The following GFOD2 variants were observed in gnomAD, a reference collection of about 807,000 sequenced individuals.
GFOD2 encodes Gfo/Idh/MocA-like oxidoreductase domain containing 2.
GFOD2 carries 9 observed loss-of-function variants against 24.6 expected under a neutral mutation model. That is an observed-to-expected ratio of 0.37 (90% CI 0.22 to 0.64). The LOEUF (loss-of-function observed/expected upper bound fraction) is 0.64, where lower values mean the gene tolerates loss of function less well. Ranked by LOEUF, GFOD2 falls within the 30% of genes least tolerant of loss-of-function variation. The pLI, the probability that GFOD2 is intolerant of heterozygous loss-of-function variation, is 0.65. For synonymous variants in GFOD2, 211 were observed against 224.8 expected (o/e 0.94, Z 0.55); for missense variants, 476 against 532.5 (o/e 0.89, Z 1.04).
intron 1 of GFOD2, among the ~76,000 whole-genome samples, chr16:67,709,290 A>AT (rs2053457774): frequency 6.6e-6 from 1 of 152,066 alleles, no homozygotes; most frequent in Admixed American, 6.6e-5. Context: ...CCTGGGCAAC[A>AT]GAGCCTATCT....
chr16:67,675,264 G>C lies in GFOD2; in HGVS notation c.1049C>G (p.Ala350Gly). The change falls in exon 3 of 3, where the codon GCC becomes GGC. Residue 350 changes from alanine to glycine, a missense_variant. Physicochemically the swap from Ala to Gly is moderately conservative, Grantham distance 60 (BLOSUM62 0). Coordinates refer to ENST00000268797, the MANE Select transcript of GFOD2 (RefSeq NM_030819.4). Reference sequence around the variant, plus strand: ...CCCGGATCGGCTCGACCTCTTGATGGCATCCACCACGCTCTGCATGTACAG... The same window carrying C: ...CCCGGATCGGCTCGACCTCTTGATGCCATCCACCACGCTCTGCATGTACAG... ...DGLYMQSVVD[A>G]IKRSSRSGEW... 1.2e-6 allele frequency: 2 copies of C among 1,612,960 alleles called. 1 individual carries two copies. Among genetic ancestry groups the C allele is most frequent in the South Asian group, 2.2e-5 (2 of 91,086 alleles).
intron 1 of GFOD2, among the ~76,000 whole-genome samples, chr16:67,689,408 T>C (rs147955833): frequency 2.4e-4 from 36 of 150,016 alleles, no homozygotes; most frequent in African/African-American, 8.8e-4. Context: ...TGGTGGCTCA[T>C]GCCTGTAATC....
At position 67,700,969 on chromosome 16, in the gene GFOD2, G is replaced by A. The variant is rs541714726; in HGVS notation, c.-87-15167C>T. On this transcript the variant is annotated intron_variant, in intron 1 of 2. Transcript: ENST00000268797. ...GGAGAATCGCTTGAACCCAGGAGGC[G>A]GAGGTTGTAGTGAGCCGAGATTGTG... Among the ~76,000 whole-genome samples, 166 of 148,002 alleles carry A rather than the reference G, an allele frequency of 1.1e-3. 1 individual carries two copies. The highest frequency in any genetic ancestry group is 2.0e-3 in the Non-Finnish European group (133 of 66,904).
chr16:67,687,949 G>C (rs187561784), intron 1 of GFOD2, among the ~76,000 whole-genome samples: 1 of 152,272 alleles, frequency 6.6e-6, no homozygotes, highest in African/African-American at 2.4e-5. Context: ...CTGCACTCTA[G>C]CCTGGGCAAT....
At chr16:67,713,551 ACTCC>A (rs2053490014) in intron 1 of GFOD2, among the ~76,000 whole-genome samples, 1 of 152,060 alleles carries the variant, frequency 6.6e-6, no homozygotes, top group Non-Finnish European at 1.5e-5. Flanking sequence ...AGATCCTATG[ACTCC>A]CTCCTTCAGA....
At chr16:67,698,759 G>A (rs944258049) in intron 1 of GFOD2, among the ~76,000 whole-genome samples, 2 of 152,194 alleles carry the variant, frequency 1.3e-5, no homozygotes, top group African/African-American at 2.4e-5. Flanking sequence ...GATTACAGGC[G>A]TGAGCCACTG....
chr16:67,699,100 T>C (rs952865854), intron 1 of GFOD2, among the ~76,000 whole-genome samples: 1 of 152,132 alleles, frequency 6.6e-6, no homozygotes, highest in African/African-American at 2.4e-5. Context: ...CCCAGCACTT[T>C]GGGAGGCCAA....
At chr16:67,701,689 C>T (rs1021236671) in intron 1 of GFOD2, among the ~76,000 whole-genome samples, 2 of 150,900 alleles carry the variant, frequency 1.3e-5, no homozygotes, top group Non-Finnish European at 2.9e-5. Context: ...AATTACATGA[C>T]AGCATTTGTC....
chr16:67,708,783 A>G (rs1368330226), intron 1 of GFOD2, among the ~76,000 whole-genome samples: 3 of 152,172 alleles, frequency 2.0e-5, no homozygotes, highest in Non-Finnish European at 4.4e-5. Context: ...AGGCACCTCC[A>G]CAGACTTGAT....
At position 67,681,561 on chromosome 16, in the gene GFOD2, A is replaced by G. The variant is rs1345318778; in HGVS notation, c.259+3896T>C. On this transcript the variant is annotated intron_variant, in intron 2 of 2. Transcript: ENST00000268797. Reference sequence around the variant, plus strand: ...GTAGCTGGGACCACAGGTGCACGCCACTGTGCCCAGCTAATTTTTTGTATT... The same window carrying G: ...GTAGCTGGGACCACAGGTGCACGCCGCTGTGCCCAGCTAATTTTTTGTATT... 2.0e-5 allele frequency: 10 copies of G among 490,772 alleles called. No homozygotes were observed. The Admixed American group carries it at 3.8e-4, about 19-fold the overall frequency. The allele number at this position is 490,772 out of a possible 1,614,324, so 30.4% of individuals were successfully genotyped here.
chr16:67,690,777 C>G (rs549291265), intron 1 of GFOD2, among the ~76,000 whole-genome samples: 1 of 152,306 alleles, frequency 6.6e-6, no homozygotes. Flanking sequence ...TCTAACACAA[C>G]TATTTTAACT....
At chr16:67,710,699 T>C (rs1449482669) in intron 1 of GFOD2, among the ~76,000 whole-genome samples, 1 of 152,218 alleles carries the variant, frequency 6.6e-6, no homozygotes, top group African/African-American at 2.4e-5. Context: ...ATGACAGATT[T>C]ATAATGCACT....
At chr16:67,686,322 C>A (rs776666776) in intron 1 of GFOD2, among the ~76,000 whole-genome samples, 1 of 152,012 alleles carries the variant, frequency 6.6e-6, no homozygotes, top group Non-Finnish European at 1.5e-5. Flanking sequence ...TGAAACACTG[C>A]AGAATCTTCT....
intron 2 of GFOD2, chr16:67,683,541 A>G (rs921661297): frequency 2.5e-5 from 31 of 1,231,682 alleles, no homozygotes; most frequent in South Asian, 4.1e-5. Context: ...TTGGTGACCA[A>G]TGAATGAATA....
intron 2 of GFOD2, chr16:67,681,818 A>G: frequency 1.0e-6 from 1 of 985,320 alleles, no homozygotes; most frequent in Non-Finnish European, 1.2e-6. Flanking sequence ...GTCTTTGGGT[A>G]GCCATGAAAG....
At chr16:67,681,911 G>C (rs1008550321) in intron 2 of GFOD2, 3 of 985,114 alleles carry the variant, frequency 3.0e-6, no homozygotes, top group Non-Finnish European at 2.4e-6. Flanking sequence ...TGGGCACAGT[G>C]GCTCCCACCT....
Position 67,681,748 on chromosome 16 carries a change from C to T in GFOD2, c.259+3709G>A, listed in dbSNP as rs772670736. 18 of 985,216 alleles carry T rather than the reference C, an allele frequency of 1.8e-5. No homozygotes were observed. In the Admixed American group the frequency reaches 1.8e-4, roughly 10 times the overall value. 61.0% of individuals were successfully genotyped at this position (985,216 alleles called of 1,614,324 possible). A position where few individuals can be genotyped will look rare whatever the true frequency, so the allele number is the denominator to read the frequency against. On this transcript the variant is annotated intron_variant, in intron 2 of 2. Coordinates refer to ENST00000268797, the MANE Select transcript of GFOD2 (RefSeq NM_030819.4). Reference sequence around the variant, plus strand: ...TCTTAAACTTAGGGCTCAGTAGTATCAGTGTGGGACTGCAAGGACATCTTG... The same window carrying T: ...TCTTAAACTTAGGGCTCAGTAGTATTAGTGTGGGACTGCAAGGACATCTTG...
intron 1 of GFOD2, among the ~76,000 whole-genome samples, chr16:67,700,623 A>T (rs1388448404): frequency 2.6e-5 from 4 of 150,948 alleles, no homozygotes; most frequent in African/African-American, 9.8e-5. Flanking sequence ...GAGGCAGGAG[A>T]ACTGCTTGAA....
At chr16:67,718,154 T>G (rs2053519893) in intron 1 of GFOD2, among the ~76,000 whole-genome samples, 1 of 152,196 alleles carries the variant, frequency 6.6e-6, no homozygotes. Context: ...CACAATAAAT[T>G]TAAGTGCCTT....
Sources: allele counts gnomAD v4.1 joint callset (sites outside exome capture counted in the v4.1 genomes callset), GRCh38; gene constraint gnomAD v4.1.1; transcripts MANE v1.5; gene names NCBI Gene and HGNC (gene_info 2026-07-23, HGNC 2026-07-21).